The following SETX variants were observed in gnomAD, a reference collection of about 807,000 sequenced individuals.
SETX encodes the protein helicase senataxin.
SETX carries 90 observed loss-of-function variants against 227.2 expected under a neutral mutation model. The ratio of observed to expected loss-of-function variants is 0.40; its 90% CI spans 0.33 to 0.47. SETX has a LOEUF of 0.47. Ranked by LOEUF, SETX falls within the 20% of genes least tolerant of loss-of-function variation. The pLI is 0.91. For synonymous variants in SETX, 1,210 were observed against 1,113.2 expected (o/e 1.09, Z -1.73); for missense variants, 3,052 against 3,181.5 (o/e 0.96, Z 0.98).
chr9:132,340,469 G>C (rs1847892120), intron 5 of SETX, among the ~76,000 whole-genome samples: 1 of 152,228 alleles, frequency 6.6e-6, no homozygotes, highest in Non-Finnish European at 1.5e-5. Flanking sequence ...CGGTGCCTAT[G>C]GAAGGCCAGA....
At chr9:132,279,077 G>A (rs1298178097) in intron 20 of SETX, among the ~76,000 whole-genome samples, 3 of 152,182 alleles carry the variant, frequency 2.0e-5, no homozygotes, top group African/African-American at 7.2e-5. Context: ...AGTTTCAGAT[G>A]GTGAAGCATT....
At chr9:132,314,520 G>A (rs12348622) in intron 10 of SETX, among the ~76,000 whole-genome samples, 1,579 of 152,254 alleles carry the variant, frequency 0.01, 26 homozygotes, top group African/African-American at 0.036. Flanking sequence ...CACCAAGCCC[G>A]GCTAGCTTTC....
At chr9:132,292,632 T>C (rs1283117194) in intron 15 of SETX, among the ~76,000 whole-genome samples, 1 of 147,486 alleles carries the variant, frequency 6.8e-6, no homozygotes, top group African/African-American at 2.5e-5. Context: ...CTCATTTTTT[T>C]TTTTTTTTTT....
In SETX at chr9:132,331,056, T is replaced by C. The variant is rs1847195124; in HGVS notation, c.1094A>G (p.Lys365Arg). 6.2e-7 allele frequency: 1 copy of C among 1,604,738 alleles called. No homozygotes were observed. The highest frequency in any genetic ancestry group is 8.5e-7 in the Non-Finnish European group (1 of 1,171,468). ...AATTTTCAAAGTGTTTTATACCTTTTTGGTCTTTTCAGGATTATAATTGTA... is the reference window on the plus strand; with the variant it reads ...AATTTTCAAAGTGTTTTATACCTTTCTGGTCTTTTCAGGATTATAATTGTA... Reference protein sequence around the residue: ...IVYNYNPEKTKKDSGWRTAIC... With the variant: ...IVYNYNPEKTRKDSGWRTAIC... The change falls in exon 9 of 26, where the codon AAA becomes AGA. Residue 365 changes from lysine to arginine, a missense_variant. By Grantham distance (26) the Lys-to-Arg change is conservative. Around this residue, in one of 10 missense-constraint regions of SETX, gnomAD observed 39 missense variants for 84.8 expected, o/e 0.46. Transcript: ENST00000224140.
At chr9:132,324,395 T>C (rs768909838) in intron 10 of SETX, among the ~76,000 whole-genome samples, 1 of 152,134 alleles carries the variant, frequency 6.6e-6, no homozygotes, top group Non-Finnish European at 1.5e-5. Context: ...CCATGTACAG[T>C]GTTAACAACT....
Position 132,313,228 on chromosome 9 carries a change from T to C in SETX, c.5275-1372A>G, listed in dbSNP as rs182872981. On this transcript the variant is annotated intron_variant, in intron 10 of 25. Transcript: ENST00000224140. ...ATACACCTTAAAAGGGTATATTTTA[T>C]GGTATAGTATACCTTAATAAAGCTG... 1.7e-3 allele frequency among the ~76,000 whole-genome samples: 257 copies of C among 152,324 alleles called. 1 individual carries two copies. Among genetic ancestry groups the C allele is most frequent in the African/African-American group, 6.1e-3 (254 of 41,560 alleles).
chr9:132,338,001 AACATCACTT>A (rs1290754856), intron 5 of SETX, among the ~76,000 whole-genome samples: 1 of 152,170 alleles, frequency 6.6e-6, no homozygotes, highest in Non-Finnish European at 1.5e-5. Context: ...GAAGGACAGT[AACATCACTT>A]ACATGGTACT....
chr9:132,327,777 A>C lies in SETX; in HGVS notation c.3821T>G (p.Phe1274Cys). The C allele has an allele frequency of 3.7e-6, 6 of 1,614,146 alleles. No individual in the cohort carries two copies. Among genetic ancestry groups the C allele is most frequent in the Non-Finnish European group, 5.1e-6 (6 of 1,180,036 alleles). The change falls in exon 10 of 26, where the codon TTT becomes TGT. Residue 1274 changes from phenylalanine to cysteine, a missense_variant. By Grantham distance (205) the Phe-to-Cys change is radical (BLOSUM62 -2). Transcript: ENST00000224140. ...TTPAIVPPKKFRQCPEPTSTA... is the reference protein window; with the variant it reads ...TTPAIVPPKKCRQCPEPTSTA... The stretch of plus-strand genomic sequence containing the variant: ...TGAAGTTGGCTCAGGACACTGACGA[A>C]ATTTCTTTGGCGGCACTATAGCAGG...
intron 3 of SETX, 137 bp downstream of exon 3, chr9:132,349,115 C>CAAAACA (rs1244700319): frequency 6.4e-5 from 57 of 892,118 alleles, no homozygotes; most frequent in Non-Finnish European, 8.7e-5. Flanking sequence ...ACAACAAAAA[C>CAAAACA]AAAACAAAAA....
At chr9:132,339,851 G>A (rs1209668830) in intron 5 of SETX, among the ~76,000 whole-genome samples, 1 of 152,104 alleles carries the variant, frequency 6.6e-6, no homozygotes, top group East Asian at 1.9e-4. Context: ...CTGGCCTCAG[G>A]TGATCCGCCC....
At chr9:132,353,013 C>A (rs1203741060) in intron 2 of SETX, among the ~76,000 whole-genome samples, 1 of 152,180 alleles carries the variant, frequency 6.6e-6, no homozygotes, top group Non-Finnish European at 1.5e-5. Context: ...TCATCATTTG[C>A]CTGGATTACT....
intron 18 of SETX, among the ~76,000 whole-genome samples, chr9:132,284,449 G>A (rs916856990): frequency 6.6e-6 from 1 of 152,138 alleles, no homozygotes; most frequent in Admixed American, 6.5e-5. Flanking sequence ...ATCCATTCAG[G>A]AGGAAACTTC....
intron 18 of SETX, among the ~76,000 whole-genome samples, chr9:132,285,882 A>G (rs1369276800): frequency 6.8e-6 from 1 of 148,122 alleles, no homozygotes; most frequent in East Asian, 2.0e-4. Context: ...CTGTCTCAAA[A>G]AAAAAAAAAC....
chr9:132,355,591 C>T (rs1487142120), upstream of SETX, among the ~76,000 whole-genome samples: 1 of 152,168 alleles, frequency 6.6e-6, no homozygotes, highest in African/African-American at 2.4e-5. Context: ...TCTAATCCCA[C>T]CACTTTGGGA....
chr9:132,336,265 C>A lies in SETX; in HGVS notation c.718+31G>T, dbSNP rs778998911. 3.8e-6 allele frequency: 6 copies of A among 1,558,530 alleles called. No individual in the cohort carries two copies. The South Asian group carries it at 5.6e-5, about 14-fold the overall frequency. On this transcript the variant is annotated intron_variant, in intron 6 of 25. Coordinates refer to ENST00000224140, the MANE Select transcript of SETX (RefSeq NM_015046.7). The stretch of plus-strand genomic sequence containing the variant: ...CAAAAAACAGAACTATACGAAAATA[C>A]CAATTATATTAGTGTAGGAATAATA...
chr9:132,336,431 A>G lies in SETX; in HGVS notation c.583T>C (p.Cys195Arg), dbSNP rs1342007952. The change falls in exon 6 of 26, where the codon TGC (cysteine) becomes CGC (arginine). Residue 195 changes from cysteine (C) to arginine (R), a missense_variant. Cys to Arg is a radical substitution (Grantham distance 180, BLOSUM62 -3). Coordinates refer to ENST00000224140, the MANE Select transcript of SETX (RefSeq NM_015046.7). Reference protein sequence around the residue: ...DYYDLQEVLLCLFKVIELGLL... With the variant: ...DYYDLQEVLLRLFKVIELGLL... ...CCCAACTCAATGACTTTAAAAAGGC[A>G]AAGTAAAACTTCTTGTAAGTCATAA... 6.2e-7 allele frequency: 1 copy of G among 1,614,118 alleles called. No individual in the cohort carries two copies. Among genetic ancestry groups the G allele is most frequent in the Non-Finnish European group, 8.5e-7 (1 of 1,179,956 alleles).
intron 3 of SETX, among the ~76,000 whole-genome samples, chr9:132,347,303 G>A (rs1848346222): frequency 6.6e-6 from 1 of 151,778 alleles, no homozygotes; most frequent in Non-Finnish European, 1.5e-5. Context: ...AAAATAGTAT[G>A]CTATGTTTAA....
intron 20 of SETX, among the ~76,000 whole-genome samples, chr9:132,279,031 G>A (rs771076465): frequency 4.6e-5 from 7 of 152,182 alleles, no homozygotes; most frequent in African/African-American, 1.4e-4. Flanking sequence ...CATATCCTTC[G>A]AGCGTGAACT....
At chr9:132,336,790 G>A (rs1458893309) in intron 5 of SETX, among the ~76,000 whole-genome samples, 1 of 152,188 alleles carries the variant, frequency 6.6e-6, no homozygotes, top group African/African-American at 2.4e-5. Context: ...CTGGCTGGGT[G>A]CAGTGGCTCA....
Sources: allele counts gnomAD v4.1 joint callset (sites outside exome capture counted in the v4.1 genomes callset), GRCh38; gene constraint gnomAD v4.1.1; regional missense constraint gnomAD v4.1.1; transcripts MANE v1.5; gene names NCBI Gene and HGNC (gene_info 2026-07-23, HGNC 2026-07-21).